PCMTD1: variants seen among roughly 807,000 people sequenced by gnomAD.
PCMTD1 encodes protein-L-isoaspartate (D-aspartate) O-methyltransferase domain containing 1, also known as protein-L-isoaspartate O-methyltransferase domain-containing protein 1.
Under a neutral mutation model 37.6 loss-of-function variants are expected in PCMTD1, and 12 were observed. The observed-to-expected ratio is 0.32, with a 90% confidence interval of 0.20 to 0.52. The LOEUF is 0.52. Among genes scored for constraint, PCMTD1 ranks in the 20% least tolerant of loss-of-function variants. The pLI, the probability that PCMTD1 is intolerant of heterozygous loss-of-function variation, is 0.97. For synonymous variants in PCMTD1, 117 were observed against 135.8 expected (o/e 0.86, Z 0.96); for missense variants, 235 against 421.3 (o/e 0.56, Z 3.87).
chr8:51,844,295 CGTG>C (rs1190043100), intron 3 of PCMTD1, among the ~76,000 whole-genome samples: 1 of 152,066 alleles, frequency 6.6e-6, no homozygotes, highest in Non-Finnish European at 1.5e-5. Context: ...ATGTGCATTA[CGTG>C]TTGTTTATAA....
At chr8:51,899,175 A>ACGCCCCCATCTGGCCC, upstream of PCMTD1, 1 of 1,297,046 alleles carries the variant, frequency 7.7e-7, no homozygotes, top group Non-Finnish European at 9.9e-7. Flanking sequence ...AGGCCGGGAG[A>ACGCCCCCATCTGGCCC]CGCCCCCATC....
chr8:51,852,777 A>G (rs2038326740), intron 2 of PCMTD1, among the ~76,000 whole-genome samples: 1 of 152,242 alleles, frequency 6.6e-6, no homozygotes, highest in Non-Finnish European at 1.5e-5. Context: ...ACTGGTACTC[A>G]AGTTTCTGCA....
intron 3 of PCMTD1, among the ~76,000 whole-genome samples, chr8:51,838,265 T>C (rs1474012987): frequency 6.6e-6 from 1 of 152,096 alleles, no homozygotes; most frequent in African/African-American, 2.4e-5. Flanking sequence ...GGCAGGAGGA[T>C]CACTTGAGCC....
rs965464374 is a variant in PCMTD1, at chr8:51,898,935, G to A, written c.-101C>T. On this transcript the variant is annotated 5_prime_UTR_variant, in exon 1 of 6. Transcript: ENST00000522514. The stretch of plus-strand genomic sequence containing the variant: ...CCCACTGGCGGCGGCGTTACCTGTG[G>A]CGCGGGCAGCGGCGCGCAGGCCAGG... 28 of 1,385,140 alleles carry A rather than the reference G, an allele frequency of 2.0e-5. No individual in the cohort carries two copies. The highest frequency in any genetic ancestry group is 3.0e-5 in the African/African-American group (2 of 66,490). The allele number at this position is 1,385,140 out of a possible 1,614,324, so 85.8% of individuals were successfully genotyped here.
At position 51,884,696 on chromosome 8, in the gene PCMTD1, T is replaced by C. The variant is rs79888268; in HGVS notation, c.-96+14234A>G. Among the ~76,000 whole-genome samples, 212 of 152,310 alleles carry C rather than the reference T, an allele frequency of 1.4e-3. 1 individual carries two copies. The East Asian group carries it at 0.034, about 24-fold the overall frequency. On this transcript the variant is annotated intron_variant, in intron 1 of 5. Coordinates refer to ENST00000522514, the MANE Select transcript of PCMTD1 (RefSeq NM_052937.4). Reference sequence around the variant, plus strand: ...ACGAGGATGCTGCAGTGCAGGACAATAGACAGCTTTCCCCAGCACTCTCTT... The same window carrying C: ...ACGAGGATGCTGCAGTGCAGGACAACAGACAGCTTTCCCCAGCACTCTCTT...
chr8:51,827,114 A>G (rs1389397393), intron 5 of PCMTD1: 2 of 1,006,584 alleles, frequency 2.0e-6, no homozygotes, highest in Admixed American at 5.8e-5. Flanking sequence ...CACACCCACA[A>G]AAACTTATTC....
intron 2 of PCMTD1, among the ~76,000 whole-genome samples, chr8:51,846,023 C>A (rs1193964866): frequency 6.6e-6 from 1 of 152,146 alleles, no homozygotes; most frequent in Non-Finnish European, 1.5e-5. Context: ...CTACAGAGTT[C>A]TCCCAAGAGA....
chr8:51,834,773 A>G (rs2038045159), intron 3 of PCMTD1, among the ~76,000 whole-genome samples: 1 of 152,194 alleles, frequency 6.6e-6, no homozygotes, highest in Non-Finnish European at 1.5e-5. Flanking sequence ...ACACATACAC[A>G]TTATAAACAT....
intron 1 of PCMTD1, among the ~76,000 whole-genome samples, chr8:51,874,343 G>A (rs1031743217): frequency 1.6e-5 from 2 of 123,244 alleles, no homozygotes; most frequent in East Asian, 2.6e-4. Flanking sequence ...CCCATCCCCC[G>A]CCCCCGGGGC....
At chr8:51,824,795 T>C (rs1276824203) in intron 5 of PCMTD1, among the ~76,000 whole-genome samples, 1 of 152,156 alleles carries the variant, frequency 6.6e-6, no homozygotes, top group African/African-American at 2.4e-5. Context: ...CTTCAAACTA[T>C]ACCACAAGAC....
At chr8:51,850,382 C>A (rs1215452198) in intron 2 of PCMTD1, among the ~76,000 whole-genome samples, 1 of 152,038 alleles carries the variant, frequency 6.6e-6, no homozygotes, top group African/African-American at 2.4e-5. Context: ...CTAGAATAAC[C>A]TGGGAATTTT....
intron 1 of PCMTD1, among the ~76,000 whole-genome samples, chr8:51,878,250 G>GTTTTTTTTTTTTTTTTTTTTTTT (rs375362623): frequency 7.2e-6 from 1 of 139,168 alleles, no homozygotes; most frequent in Non-Finnish European, 1.5e-5. Flanking sequence ...TTTTTTTTTG[G>GTTTTTTTTTTTTTTTTTTTTTTT]TTTTTTTTTT....
At chr8:51,899,170 G>C (rs2039061882), upstream of PCMTD1, 3 of 1,304,320 alleles carry the variant, frequency 2.3e-6, no homozygotes, top group East Asian at 6.2e-5. Flanking sequence ...CAACAAGGCC[G>C]GGAGACGCCC....
chr8:51,841,919 C>G (rs921673525), intron 3 of PCMTD1, among the ~76,000 whole-genome samples: 9 of 151,976 alleles, frequency 5.9e-5, no homozygotes, highest in Non-Finnish European at 1.2e-4. Flanking sequence ...GGAACACCCT[C>G]AAGCCCGTTC....
At chr8:51,830,440 C>T (rs2037981975) in intron 5 of PCMTD1, among the ~76,000 whole-genome samples, 1 of 152,156 alleles carries the variant, frequency 6.6e-6, no homozygotes, top group African/African-American at 2.4e-5. Context: ...GTCTTCCTGG[C>T]AACAGTAAAT....
Position 51,892,447 on chromosome 8 carries a change from C to T in PCMTD1, c.-96+6483G>A, listed in dbSNP as rs190793200. ...GCTTCTAGCAAATGTCTTCACATAA[C>T]CCCACAGTTCTCTCCATTCACTTAC... On this transcript the variant is annotated intron_variant, in intron 1 of 5. Transcript: ENST00000522514. 1.8e-4 allele frequency among the ~76,000 whole-genome samples: 28 copies of T among 152,318 alleles called. 1 individual carries two copies. The highest frequency in any genetic ancestry group is 1.5e-3 in the Admixed American group (23 of 15,296).
chr8:51,872,243 C>G (rs945031196), intron 1 of PCMTD1, among the ~76,000 whole-genome samples: 5 of 152,108 alleles, frequency 3.3e-5, no homozygotes, highest in South Asian at 4.1e-4. Context: ...CTTTTTCAAA[C>G]CTATATTACC....
chr8:51,850,322 T>C (rs12677168), intron 2 of PCMTD1, among the ~76,000 whole-genome samples: 77,174 of 152,126 alleles, frequency 0.51, 23,689 homozygotes, highest in Non-Finnish European at 0.68. Flanking sequence ...GAAATAGTTA[T>C]AGAAGCATAA....
At chr8:51,827,994 T>C (rs1174929113) in intron 5 of PCMTD1, among the ~76,000 whole-genome samples, 2 of 152,028 alleles carry the variant, frequency 1.3e-5, no homozygotes, top group African/African-American at 4.8e-5. Flanking sequence ...TATCTGTCAT[T>C]AATGAATTAT....
Sources: gnomAD v4.1 joint callset for allele counts (sites outside exome capture counted in the v4.1 genomes callset) on GRCh38, gnomAD v4.1.1 for gene constraint, MANE v1.5 for transcripts, NCBI Gene and HGNC (gene_info 2026-07-23, HGNC 2026-07-21) for gene names.